The following DDX23 variants were observed in gnomAD, a reference collection of about 807,000 sequenced individuals.
DDX23 encodes the protein DEAD-box helicase 23.
In DDX23, 33 loss-of-function variants were observed where a neutral mutation model predicts 102.7. The ratio of observed to expected loss-of-function variants is 0.32; its 90% CI spans 0.24 to 0.43. DDX23 has a LOEUF of 0.43. DDX23 is among the 20% of genes least tolerant of loss of function. The pLI is 1.00. For synonymous variants in DDX23, 352 were observed against 376.0 expected (o/e 0.94, Z 0.74); for missense variants, 549 against 1,086.6 (o/e 0.51, Z 6.96).
rs541763684 is a variant in DDX23, at chr12:48,840,602, G to A, written c.321-496C>T. Among the ~76,000 whole-genome samples the A allele has an allele frequency of 9.3e-5, 14 of 150,800 alleles. No individual in the cohort carries two copies. The East Asian group carries it at 2.7e-3, about 30-fold the overall frequency. On this transcript the variant is annotated intron_variant, in intron 3 of 16. Coordinates refer to ENST00000308025, the MANE Select transcript of DDX23 (RefSeq NM_004818.3). ...CAGTCTCACTCTGTCGCCCAGGCTG[G>A]AGTGCAATGGTGTGATCTCAGCTCA...
chr12:48,851,020 C>T (rs1938747972), intron 1 of DDX23, among the ~76,000 whole-genome samples: 1 of 152,234 alleles, frequency 6.6e-6, no homozygotes, highest in Non-Finnish European at 1.5e-5. Flanking sequence ...CCTCTCAAAC[C>T]TCCAGATCTT....
rs1030932954 is a variant in DDX23 at position 48,837,457 on chromosome 12, C to G, written c.754-64G>C. On this transcript the variant is annotated intron_variant, in intron 7 of 16. Transcript: ENST00000308025. ...GCCCAATTCTCACATGCAGAGATCACAATGGCCAAATAACTAAACCTCATT... is the reference window on the plus strand; with the variant it reads ...GCCCAATTCTCACATGCAGAGATCAGAATGGCCAAATAACTAAACCTCATT... 28 of 1,612,912 alleles carry G rather than the reference C, an allele frequency of 1.7e-5. No individual in the cohort carries two copies. The Admixed American group carries it at 4.2e-4, about 24-fold the overall frequency.
Position 48,833,334 on chromosome 12 carries a change from A to G in DDX23, c.1746T>C (p.Ala582=), listed in dbSNP as rs1285185269. Residue 582 remains alanine, a synonymous_variant, in exon 13 of 17, where the codon GCT becomes GCC. Coordinates refer to ENST00000308025, the MANE Select transcript of DDX23 (RefSeq NM_004818.3). ...VSNQKPDTDE[A]EDPEKMLANF... ...TGGCCAGCATCTTCTCAGGGTCCTC[A>G]GCCTCATCCGTGTCTGGCTTCTGGT... is the stretch of plus-strand genomic sequence containing the variant. The G allele has an allele frequency of 4.3e-6, 7 of 1,614,120 alleles. No individual in the cohort carries two copies. Among genetic ancestry groups the G allele is most frequent in the Middle Eastern group, 1.6e-4 (1 of 6,062 alleles).
In DDX23 at chr12:48,832,360, A is replaced by G; in HGVS notation, c.1955+62T>C. The G allele has an allele frequency of 6.3e-7, 1 of 1,592,550 alleles. No individual in the cohort carries two copies. Among genetic ancestry groups the G allele is most frequent in the Non-Finnish European group, 8.6e-7 (1 of 1,165,654 alleles). ...ATTGCCCTGCCCTGCACCTGCACTAAAAAAGTTCTCAGAGCCATTTTATTC... is the reference window on the plus strand; with the variant it reads ...ATTGCCCTGCCCTGCACCTGCACTAGAAAAGTTCTCAGAGCCATTTTATTC... On this transcript the variant is annotated intron_variant, in intron 14 of 16. Coordinates refer to ENST00000308025, the MANE Select transcript of DDX23 (RefSeq NM_004818.3). The surrounding 1 kb of genome is among the most constrained non-coding windows in gnomAD (Gnocchi z 4.4).
chr12:48,834,793 G>GCC (rs1482878423), intron 11 of DDX23: 1 of 247,812 alleles, frequency 4.0e-6, no homozygotes, highest in Non-Finnish European at 7.9e-6. Context: ...AATTAGCCAG[G>GCC]CGTGGTGGCC....
At position 48,836,474 on chromosome 12, in the gene DDX23, A is replaced by T; in HGVS notation, c.1236+95T>A. ...AAAGGTCACATTGGTGCCCACTAGC[A>T]GCGATGGCTCCAAATAGTCAAGGAA... On this transcript the variant is annotated intron_variant, in intron 10 of 16. Coordinates refer to ENST00000308025, the MANE Select transcript of DDX23 (RefSeq NM_004818.3). The surrounding 1 kb of genome is among the most constrained non-coding windows in gnomAD (Gnocchi z 6.1). The T allele has an allele frequency of 7.5e-7, 1 of 1,339,162 alleles. No individual in the cohort carries two copies. Among genetic ancestry groups the T allele is most frequent in the Non-Finnish European group, 1.1e-6 (1 of 952,324 alleles). 83.0% of individuals were successfully genotyped at this position (1,339,162 alleles called of 1,614,324 possible).
intron 3 of DDX23, among the ~76,000 whole-genome samples, chr12:48,843,150 A>G (rs1938598590): frequency 6.7e-6 from 1 of 150,094 alleles, no homozygotes; most frequent in African/African-American, 2.5e-5. Context: ...ACCCAGGGAC[A>G]CAAACACTGC....
chr12:48,832,134 AAAT>A lies in DDX23; in HGVS notation c.2005_2007del (p.Ile669del). The A allele has an allele frequency of 6.2e-7, 1 of 1,614,010 alleles. No homozygotes were observed. The highest frequency in any genetic ancestry group is 8.5e-7 in the Non-Finnish European group (1 of 1,180,032). On this transcript the variant is annotated inframe_deletion, in exon 15 of 17. Transcript: ENST00000308025. This position sits in a 1 kb window ranked among gnomAD's most constrained non-coding sequence, Gnocchi z 4.4. ...TCGCAGCCCTTCTTCTGGTTGACAA[AAAT>A]AATGATGGGTGGGTCAAAGCCTTGC...
At chr12:48,839,985 G>T (rs766331404) in intron 4 of DDX23, 28 bp downstream of exon 4, 3 of 1,611,828 alleles carry the variant, frequency 1.9e-6, no homozygotes, top group Non-Finnish European at 2.5e-6. Context: ...ACGAGTTGAA[G>T]ATGAAAAATA....
At chr12:48,842,416 C>A (rs1230695223) in intron 3 of DDX23, among the ~76,000 whole-genome samples, 1 of 140,948 alleles carries the variant, frequency 7.1e-6, no homozygotes, top group African/African-American at 2.7e-5. Context: ...GTCAGCCCCC[C>A]GCCCGGCCAG....
At position 48,843,934 on chromosome 12, in the gene DDX23, ATG is replaced by A. The variant is rs749108240; in HGVS notation, c.320+4_320+5del. 13 of 1,613,786 alleles carry A rather than the reference ATG, an allele frequency of 8.1e-6. No homozygotes were observed. The highest frequency in any genetic ancestry group is 1.0e-5 in the Non-Finnish European group (12 of 1,179,824). On this transcript the variant is annotated splice_donor_5th_base_variant and intron_variant, in intron 3 of 16. Transcript: ENST00000308025. The stretch of plus-strand genomic sequence containing the variant: ...CCCTAAAGCCCCCTCTCATTCCTTC[ATG>A]TACCTGGATCGTTTACGGTCCTTGT...
At position 48,840,114 on chromosome 12, in the gene DDX23, G is replaced by A; in HGVS notation, c.321-8C>T. 1.2e-6 allele frequency: 2 copies of A among 1,609,456 alleles called. No individual in the cohort carries two copies. The highest frequency in any genetic ancestry group is 1.7e-6 in the Non-Finnish European group (2 of 1,175,828). On this transcript the variant is annotated splice_polypyrimidine_tract_variant and splice_region_variant and intron_variant, in intron 3 of 16. Coordinates refer to ENST00000308025, the MANE Select transcript of DDX23 (RefSeq NM_004818.3). Reference sequence around the variant, plus strand: ...CCTCGACCAGGAGATAAGCTTTGAGGAAAAGGAACAAGGTCCACATCACTC... The same window carrying A: ...CCTCGACCAGGAGATAAGCTTTGAGAAAAAGGAACAAGGTCCACATCACTC...
At position 48,839,846 on chromosome 12, in the gene DDX23, T is replaced by G; in HGVS notation, c.478A>C (p.Lys160Gln). The G allele has an allele frequency of 6.2e-7, 1 of 1,614,160 alleles. No individual in the cohort carries two copies. The highest frequency in any genetic ancestry group is 8.5e-7 in the Non-Finnish European group (1 of 1,179,992). ...AATGAAGACCCTCAAGTACTTACCT[T>G]AGCCTCAGCTTCTTCCTCAGCCTTT... ...KKKAEEEAEA[K>Q]PKFLSKAERE... The change falls in exon 5 of 17, where the codon AAG becomes CAG. Residue 160 changes from lysine (K) to glutamine (Q), a missense_variant and splice_region_variant. Lys to Gln is a moderately conservative substitution (Grantham distance 53). Around this residue, in one of 4 missense-constraint regions of DDX23, gnomAD observed 241 missense variants for 267.0 expected, o/e 0.90. Transcript: ENST00000308025.
intron 3 of DDX23, among the ~76,000 whole-genome samples, chr12:48,842,308 C>T (rs1381346352): frequency 7.2e-6 from 1 of 139,660 alleles, no homozygotes; most frequent in East Asian, 2.3e-4. Context: ...GCCGCCCTGT[C>T]CGGGAGGTGA....
At chr12:48,833,651 G>T in intron 12 of DDX23, 132 bp from the exon 13 acceptor site, 1 of 1,139,292 alleles carries the variant, frequency 8.8e-7, no homozygotes, top group Non-Finnish European at 1.2e-6. Context: ...GTTATGTTTA[G>T]CAGTAAAGGC....
rs1407702831 is a variant in DDX23 at position 48,831,079 on chromosome 12, CA to C, written c.2239+62del. 5.6e-5 allele frequency: 89 copies of C among 1,586,072 alleles called. 1 individual carries two copies. In the Middle Eastern group the frequency reaches 6.7e-4, roughly 12 times the overall value. ...CTTCCATGGACAGCACCCTGACTTCCAGTGGGACACCATAAGGAATCTGACT... is the reference window on the plus strand; with the variant it reads ...CTTCCATGGACAGCACCCTGACTTCCGTGGGACACCATAAGGAATCTGACT... On this transcript the variant is annotated intron_variant, in intron 16 of 16. Coordinates refer to ENST00000308025, the MANE Select transcript of DDX23 (RefSeq NM_004818.3).
intron 3 of DDX23, among the ~76,000 whole-genome samples, chr12:48,841,708 CA>C (rs1938554233): frequency 6.6e-6 from 1 of 152,260 alleles, no homozygotes; most frequent in Non-Finnish European, 1.5e-5. Context: ...AGTGATCCGC[CA>C]GCCTCGGCCT....
intron 1 of DDX23, among the ~76,000 whole-genome samples, chr12:48,850,859 C>T (rs1337308859): frequency 6.6e-6 from 1 of 152,116 alleles, no homozygotes; most frequent in Non-Finnish European, 1.5e-5. Flanking sequence ...GTTTCAGTTG[C>T]ATTGCGGGAA....
At chr12:48,842,169 G>A in intron 3 of DDX23, among the ~76,000 whole-genome samples, 1 of 91,798 alleles carries the variant, frequency 1.1e-5, no homozygotes, top group Non-Finnish European at 2.5e-5. Context: ...GTCCGGGAGG[G>A]AGGTGGGGGG....
Sources: gnomAD v4.1 joint callset for allele counts (sites outside exome capture counted in the v4.1 genomes callset) on GRCh38, gnomAD v4.1.1 for gene constraint, gnomAD v4.1.1 regional missense constraint, Gnocchi (gnomAD v3.1) non-coding constraint, MANE v1.5 for transcripts, NCBI Gene and HGNC (gene_info 2026-07-23, HGNC 2026-07-21) for gene names.